Variants in GRIA3 observed in about 807,000 individuals in gnomAD.
GRIA3 encodes glutamate ionotropic receptor AMPA type subunit 3.
GRIA3 carries 3 observed loss-of-function variants against 63.0 expected under a neutral mutation model. That is an observed-to-expected ratio of 0.05 (90% CI 0.02 to 0.12). The LOEUF is 0.12. GRIA3 is among the 10% of genes least tolerant of loss of function. GRIA3 has a pLI of 1.00. For synonymous variants in GRIA3, 274 were observed against 257.9 expected (o/e 1.06, Z -0.60); for missense variants, 347 against 700.9 (o/e 0.50, Z 5.70).
chrX:123,405,489 A>C (rs2147385300), intron 10 of GRIA3, among the ~76,000 whole-genome samples: 1 of 111,952 alleles, frequency 8.9e-6, no homozygotes, highest in Admixed American at 9.5e-5. Context: ...ATCAGGATGA[A>C]ATTCAAATTC....
At chrX:123,443,024 G>A (rs1206566686) in intron 12 of GRIA3, among the ~76,000 whole-genome samples, 2 of 110,245 alleles carry the variant, frequency 1.8e-5, no homozygotes, top group Non-Finnish European at 3.8e-5. Flanking sequence ...TTGAGAAAAA[G>A]GAAAAACCTT....
chrX:123,446,969 T>A (rs1053233507), intron 12 of GRIA3, among the ~76,000 whole-genome samples: 1 of 112,600 alleles, frequency 8.9e-6, no homozygotes, highest in African/African-American at 3.2e-5. Context: ...TTCAAGTTAC[T>A]GTATTTCTTT....
At chrX:123,387,996 G>C (rs772219543) in intron 5 of GRIA3, among the ~76,000 whole-genome samples, 2 of 112,083 alleles carry the variant, frequency 1.8e-5, no homozygotes, top group East Asian at 2.8e-4. Context: ...ATAGTTTGAG[G>C]AGAATTGGTA....
intron 2 of GRIA3, among the ~76,000 whole-genome samples, chrX:123,212,009 T>C (rs1928054470): frequency 8.9e-6 from 1 of 111,770 alleles, no homozygotes. Flanking sequence ...CCACTAAATA[T>C]GTCATATAAG....
intron 4 of GRIA3, among the ~76,000 whole-genome samples, chrX:123,353,596 C>T (rs944060025): frequency 3.6e-5 from 4 of 112,025 alleles, no homozygotes; most frequent in African/African-American, 1.3e-4. Flanking sequence ...GGCCTTCTCA[C>T]TTTGTTCTAA....
chrX:123,191,744 C>T (rs1442715294), intron 2 of GRIA3, among the ~76,000 whole-genome samples: 1 of 110,939 alleles, frequency 9.0e-6, no homozygotes, highest in Non-Finnish European at 1.9e-5. Flanking sequence ...CACCAGAATA[C>T]CTTTACTCTT....
chrX:123,444,429 C>T (rs759441938), intron 12 of GRIA3, among the ~76,000 whole-genome samples: 1 of 112,367 alleles, frequency 8.9e-6, no homozygotes, highest in Admixed American at 9.4e-5. Flanking sequence ...CCCTAATGCA[C>T]AACTCCTTAT....
At chrX:123,203,962 A>G in intron 2 of GRIA3, among the ~76,000 whole-genome samples, 1 of 112,292 alleles carries the variant, frequency 8.9e-6, no homozygotes, top group Non-Finnish European at 1.9e-5. Context: ...AATGCCTGCC[A>G]TAAAGTAAAT....
chrX:123,206,231 G>T (rs1247982672), intron 2 of GRIA3, among the ~76,000 whole-genome samples: 1 of 111,636 alleles, frequency 9.0e-6, no homozygotes, highest in Non-Finnish European at 1.9e-5. Flanking sequence ...CATCCTATTG[G>T]CCTGCTGCAA....
Position 123,208,177 on chromosome X carries a change from AT to A in GRIA3, c.268+22191del, listed in dbSNP as rs1423581651. Among the ~76,000 whole-genome samples the A allele has an allele frequency of 3.6e-5, 4 of 112,431 alleles. No individual in the cohort carries two copies. The East Asian group carries it at 1.1e-3, about 31-fold the overall frequency. The stretch of plus-strand genomic sequence containing the variant: ...GCAGTCATTTCCCTTGCTAAACCTC[AT>A]TTTGGTGGTTGCATTTTTCTGGCCT... On this transcript the variant is annotated intron_variant, in intron 2 of 15. Transcript: ENST00000620443.
intron 3 of GRIA3, among the ~76,000 whole-genome samples, chrX:123,287,693 GA>G (rs1181937055): frequency 9.0e-6 from 1 of 111,535 alleles, no homozygotes; most frequent in Non-Finnish European, 1.9e-5. Flanking sequence ...TAATACCTAA[GA>G]ATACAACTTA....
intron 12 of GRIA3, among the ~76,000 whole-genome samples, chrX:123,432,218 T>A (rs2045621867): frequency 8.9e-6 from 1 of 111,998 alleles, no homozygotes; most frequent in South Asian, 3.7e-4. Flanking sequence ...AGTTACAGAA[T>A]GTAGTAGGCA....
rs192827309 is a variant in GRIA3, at chrX:123,232,220, A to G, written c.269-21083A>G. ...TTAACCCCTTCCAGCTCTCACTAGA[A>G]GTACCCTGTCCACAAGGGCAAGCAA... On this transcript the variant is annotated intron_variant, in intron 2 of 15. Transcript: ENST00000620443. Among the ~76,000 whole-genome samples the G allele has an allele frequency of 1.5e-3, 165 of 111,831 alleles. 2 individuals are homozygous for G. Among genetic ancestry groups the G allele is most frequent in the South Asian group, 1.9e-3 (5 of 2,655 alleles).
At chrX:123,457,458 G>C (rs1443221677) in intron 12 of GRIA3, among the ~76,000 whole-genome samples, 1 of 111,637 alleles carries the variant, frequency 9.0e-6, no homozygotes. Flanking sequence ...TACAATGATG[G>C]AAATGGACAA....
intron 4 of GRIA3, among the ~76,000 whole-genome samples, chrX:123,327,029 G>C (rs1254596700): frequency 3.6e-5 from 4 of 109,957 alleles, no homozygotes; most frequent in East Asian, 2.9e-4. Flanking sequence ...AACTGGGCGT[G>C]GTGGCGGGTG....
intron 2 of GRIA3, among the ~76,000 whole-genome samples, chrX:123,215,643 T>C (rs1222324971): frequency 1.8e-5 from 2 of 111,606 alleles, no homozygotes; most frequent in African/African-American, 6.5e-5. Context: ...CCCACTGGGG[T>C]ACACAGAGAT....
At chrX:123,192,703 T>C (rs892288920) in intron 2 of GRIA3, among the ~76,000 whole-genome samples, 1 of 111,480 alleles carries the variant, frequency 9.0e-6, no homozygotes, top group Admixed American at 9.5e-5. Flanking sequence ...TTGTCCTTAT[T>C]TGGAGGGTGC....
chrX:123,443,156 A>G (rs1489507735), intron 12 of GRIA3, among the ~76,000 whole-genome samples: 2 of 112,133 alleles, frequency 1.8e-5, no homozygotes, highest in African/African-American at 6.5e-5. Flanking sequence ...GAAGATCTCT[A>G]TAGGGAAGCT....
At chrX:123,393,167 C>T (rs1175102998) in intron 5 of GRIA3, among the ~76,000 whole-genome samples, 5 of 112,630 alleles carry the variant, frequency 4.4e-5, no homozygotes, top group Non-Finnish European at 7.5e-5. Context: ...CTCATTGACT[C>T]ATACCCCACT....
Sources: gnomAD v4.1 joint callset for allele counts (sites outside exome capture counted in the v4.1 genomes callset) on GRCh38, gnomAD v4.1.1 for gene constraint, MANE v1.5 for transcripts, NCBI Gene and HGNC (gene_info 2026-07-23, HGNC 2026-07-21) for gene names.